SAMD5: variants seen among roughly 807,000 people sequenced by gnomAD.
SAMD5 encodes sterile alpha motif domain-containing protein 5.
Under a neutral mutation model 11.3 loss-of-function variants are expected in SAMD5, and 13 were observed. The observed-to-expected ratio is 1.15, with a 90% confidence interval of 0.75 to 1.83. The LOEUF (loss-of-function observed/expected upper bound fraction) is 1.83, where lower values mean the gene tolerates loss of function less well. Ranked by LOEUF, SAMD5 falls within the 40% of genes most tolerant of loss-of-function variation. SAMD5 has a pLI of 0.00. For synonymous variants in SAMD5, 129 were observed against 111.3 expected, an observed-to-expected ratio of 1.16 and a Z score of -1.00; for missense variants, 255 against 239.1, an observed-to-expected ratio of 1.07 and a Z score of -0.44.
the SAMD5 span, among the ~76,000 whole-genome samples, chr6:147,941,762 AT>A: frequency 2.3e-4 from 35 of 152,068 alleles, no homozygotes; most frequent in Non-Finnish European, 1.5e-4. Flanking sequence ...CAAAATACAC[AT>A]TTTTTTCTAA....
chr6:147,626,814 A>AAAAAAAAAG (rs1562337042), intron 1 of SAMD5, among the ~76,000 whole-genome samples: 3 of 145,640 alleles, frequency 2.1e-5, no homozygotes, highest in Non-Finnish European at 3.0e-5. Context: ...AAAAAAAAAA[A>AAAAAAAAAG]AAAGAAAGAA....
chr6:147,683,362 A>G (rs1188160246), intron 1 of SAMD5, among the ~76,000 whole-genome samples: 1 of 152,208 alleles, frequency 6.6e-6, no homozygotes, highest in Non-Finnish European at 1.5e-5. Context: ...TTCTCCCTTT[A>G]AAAATTATTG....
chr6:147,650,261 G>T (rs1790465094), intron 1 of SAMD5, among the ~76,000 whole-genome samples: 2 of 152,190 alleles, frequency 1.3e-5, no homozygotes, highest in Admixed American at 6.5e-5. Flanking sequence ...TGTGGTGAAG[G>T]ACACCTGTCA....
the SAMD5 span, among the ~76,000 whole-genome samples, chr6:147,909,617 TTTCTTTCTTTCTTTCTC>T: frequency 9.2e-4 from 62 of 67,040 alleles, 1 homozygote; most frequent in South Asian, 3.9e-3. Context: ...TCTTTCTTTC[TTTCTTTCTTTCTTTCTC>T]TTTCTTGTCT....
intron 1 of SAMD5, among the ~76,000 whole-genome samples, chr6:147,625,062 G>T (rs1790030861): frequency 6.6e-6 from 1 of 152,138 alleles, no homozygotes. Context: ...AAAAGACTGG[G>T]CGAAACAGGT....
At chr6:147,633,442 A>C (rs1790181018) in intron 1 of SAMD5, among the ~76,000 whole-genome samples, 2 of 152,064 alleles carry the variant, frequency 1.3e-5, no homozygotes. Flanking sequence ...CTGATTGTTG[A>C]ATAATTGGGA....
intron 1 of SAMD5, among the ~76,000 whole-genome samples, chr6:147,536,675 A>G (rs886909239): frequency 1.3e-5 from 2 of 152,152 alleles, no homozygotes; most frequent in Admixed American, 1.3e-4. Context: ...GCTATTATTA[A>G]AGCTATAATG....
intron 1 of SAMD5, among the ~76,000 whole-genome samples, chr6:147,534,262 T>C (rs1788474259): frequency 6.6e-6 from 1 of 152,174 alleles, no homozygotes; most frequent in African/African-American, 2.4e-5. Context: ...TGTAGAGACA[T>C]GATGAGTCAC....
At chr6:147,591,612 G>A (rs1229624916) in intron 1 of SAMD5, among the ~76,000 whole-genome samples, 1 of 152,060 alleles carries the variant, frequency 6.6e-6, no homozygotes, top group African/African-American at 2.4e-5. Context: ...CTATAAGGAT[G>A]GGCATTCTAG....
At chr6:147,906,982 C>T in the SAMD5 span, among the ~76,000 whole-genome samples, 1 of 152,212 alleles carries the variant, frequency 6.6e-6, no homozygotes, top group East Asian at 1.9e-4. Context: ...AGCTGCCTCC[C>T]TCTGCTTTTA....
chr6:147,555,657 T>A (rs1788843686), intron 1 of SAMD5, among the ~76,000 whole-genome samples: 2 of 152,196 alleles, frequency 1.3e-5, no homozygotes, highest in African/African-American at 4.8e-5. Flanking sequence ...AAATGACCAA[T>A]ACATGATACC....
chr6:147,876,766 C>T, the SAMD5 span, among the ~76,000 whole-genome samples: 8 of 152,108 alleles, frequency 5.3e-5, no homozygotes, highest in Admixed American at 1.3e-4. Context: ...CCTATTTTCA[C>T]TTATTTCTGC....
intron 1 of SAMD5, among the ~76,000 whole-genome samples, chr6:147,610,846 A>G (rs899758188): frequency 2.0e-5 from 3 of 150,392 alleles, no homozygotes; most frequent in Non-Finnish European, 2.9e-5. Flanking sequence ...TGCGGATAAA[A>G]TCAACAGGAT....
the SAMD5 span, among the ~76,000 whole-genome samples, chr6:147,892,981 G>A: frequency 6.6e-6 from 1 of 152,290 alleles, no homozygotes; most frequent in African/African-American, 2.4e-5. Context: ...TGAAGGCTGA[G>A]GTGGGTAGAT....
At chr6:147,677,734 G>T (rs1419948249) in intron 1 of SAMD5, among the ~76,000 whole-genome samples, 1 of 152,116 alleles carries the variant, frequency 6.6e-6, no homozygotes, top group Non-Finnish European at 1.5e-5. Flanking sequence ...CATCGGCACT[G>T]TAAAGGGATG....
chr6:147,813,377 G>A, the SAMD5 span, among the ~76,000 whole-genome samples: 1 of 152,212 alleles, frequency 6.6e-6, no homozygotes, highest in East Asian at 1.9e-4. Flanking sequence ...GTTGATTGCT[G>A]AAAGTATTTT....
chr6:147,808,334 G>A, the SAMD5 span, among the ~76,000 whole-genome samples: 2 of 152,198 alleles, frequency 1.3e-5, no homozygotes, highest in Admixed American at 6.5e-5. Context: ...GAGTAGCTAG[G>A]ACTACAGATA....
chr6:147,739,094 G>T (rs1374135172), downstream of SAMD5, among the ~76,000 whole-genome samples: 5 of 152,084 alleles, frequency 3.3e-5, no homozygotes, highest in East Asian at 9.6e-4. Context: ...TGTCTAGGAT[G>T]GTGTTGGGGA....
At chr6:147,821,396 T>A in the SAMD5 span, among the ~76,000 whole-genome samples, 3 of 152,324 alleles carry the variant, frequency 2.0e-5, no homozygotes, top group Non-Finnish European at 4.4e-5. Flanking sequence ...AGAACCCCAG[T>A]GTCCTGCAAG....
Sources: gnomAD v4.1 joint callset for allele counts (sites outside exome capture counted in the v4.1 genomes callset) on GRCh38, gnomAD v4.1.1 for gene constraint, MANE v1.5 for transcripts, NCBI Gene and HGNC (gene_info 2026-07-23, HGNC 2026-07-21) for gene names.